The following ASIC2 variants were observed in gnomAD, a reference collection of about 807,000 sequenced individuals.
ASIC2 encodes acid-sensing ion channel 2.
A neutral mutation model predicts 57.3 loss-of-function variants in ASIC2; 25 were observed. That is an observed-to-expected ratio of 0.44 (90% CI 0.32 to 0.61). ASIC2 has a LOEUF of 0.61. Among genes scored for constraint, ASIC2 ranks in the 20% least tolerant of loss-of-function variants. The probability of loss-of-function intolerance (pLI) is 0.06; values close to 1 mark genes in which losing one functional copy is unlikely to be tolerated. For missense variants in ASIC2, 641 were observed against 738.1 expected (o/e 0.87, Z 1.52); for synonymous variants, 319 against 307.5 (o/e 1.04, Z -0.39).
chr17:34,055,982 T>C (rs1410574852), intron 1 of ASIC2, among the ~76,000 whole-genome samples: 1 of 152,154 alleles, frequency 6.6e-6, no homozygotes, highest in Non-Finnish European at 1.5e-5. Context: ...GCTATTACAG[T>C]AGTTGAGAAA....
In ASIC2 at chr17:33,293,041, C is replaced by T. The variant is rs1567813325; in HGVS notation, c.-926G>A. On this transcript the variant is annotated 5_prime_UTR_variant, in exon 1 of 10. Transcript: ENST00000225823. ...TGCTGTCTCTCGCGTCTTCTCTCTG[C>T]CCCCGCGGCGACAAGAGCTGGGGAC... is the stretch of plus-strand genomic sequence containing the variant. 1 of 985,496 alleles carries T rather than the reference C, an allele frequency of 1.0e-6. No homozygotes were observed. The highest frequency in any genetic ancestry group is 1.2e-6 in the Non-Finnish European group (1 of 829,944). The allele number at this position is 985,496 out of a possible 1,614,324, so 61.0% of individuals were successfully genotyped here. A position where few individuals can be genotyped will look rare whatever the true frequency, so the allele number is the denominator to read the frequency against.
At chr17:33,206,278 T>G (rs1907058576) in intron 1 of ASIC2, among the ~76,000 whole-genome samples, 1 of 152,020 alleles carries the variant, frequency 6.6e-6, no homozygotes, top group Non-Finnish European at 1.5e-5. Flanking sequence ...CTGGCCCAGG[T>G]GTGATTACTT....
At chr17:33,357,792 C>A (rs895501071) in intron 1 of ASIC2, among the ~76,000 whole-genome samples, 2 of 152,168 alleles carry the variant, frequency 1.3e-5, no homozygotes, top group African/African-American at 2.4e-5. Context: ...TAATAAACTT[C>A]CATTATGCTA....
chr17:33,945,979 C>A (rs1178854045), intron 1 of ASIC2, among the ~76,000 whole-genome samples: 9 of 152,190 alleles, frequency 5.9e-5, no homozygotes, highest in Admixed American at 5.9e-4. Context: ...TAGGAGGCAT[C>A]CTCCAGCATG....
intron 1 of ASIC2, among the ~76,000 whole-genome samples, chr17:33,308,118 CA>C (rs1332841470): frequency 1.3e-5 from 2 of 152,138 alleles, no homozygotes; most frequent in African/African-American, 2.4e-5. Flanking sequence ...CTTTTATAAA[CA>C]AATTGATAAC....
intron 1 of ASIC2, among the ~76,000 whole-genome samples, chr17:33,697,210 G>T (rs1332159043): frequency 6.6e-6 from 1 of 152,190 alleles, no homozygotes; most frequent in Non-Finnish European, 1.5e-5. Flanking sequence ...ACAGCCTGCA[G>T]AATGATAAAC....
chr17:33,470,977 TATC>T, intron 1 of ASIC2, among the ~76,000 whole-genome samples: 1 of 152,146 alleles, frequency 6.6e-6, no homozygotes, highest in East Asian at 1.9e-4. Flanking sequence ...TGGATCTTTT[TATC>T]TTCTGCCTCT....
chr17:34,099,573 GGAAA>G (rs1910742704), intron 1 of ASIC2, among the ~76,000 whole-genome samples: 1 of 130,018 alleles, frequency 7.7e-6, no homozygotes, highest in African/African-American at 3.0e-5. Flanking sequence ...GAGGGAGGGA[GGAAA>G]GAAGGAAGGA....
At chr17:33,635,746 C>T (rs1906338404) in intron 1 of ASIC2, among the ~76,000 whole-genome samples, 1 of 152,210 alleles carries the variant, frequency 6.6e-6, no homozygotes, top group Non-Finnish European at 1.5e-5. Flanking sequence ...AAGCTGAGAA[C>T]TGACAACAGA....
intron 3 of ASIC2, among the ~76,000 whole-genome samples, chr17:33,073,230 G>C (rs2092076370): frequency 6.6e-6 from 1 of 152,156 alleles, no homozygotes; most frequent in African/African-American, 2.4e-5. Flanking sequence ...AAAAACAACA[G>C]CCATTACATT....
intron 1 of ASIC2, among the ~76,000 whole-genome samples, chr17:33,494,757 A>T (rs1832338849): frequency 6.6e-6 from 1 of 152,112 alleles, no homozygotes; most frequent in African/African-American, 2.4e-5. Context: ...GAGCATTCTG[A>T]ACTCCGCTTT....
At position 33,476,062 on chromosome 17, in the gene ASIC2, A is replaced by C. The variant is rs1913209533; in HGVS notation, c.556-363995T>G. Among the ~76,000 whole-genome samples, 9 of 152,340 alleles carry C rather than the reference A, an allele frequency of 5.9e-5. No homozygotes were observed. The South Asian group carries it at 1.7e-3, about 28-fold the overall frequency. ...AAGCATGAAACTGTCACCAGACATC[A>C]CTGAATTCTGGAGCAGCTTTGACTT... is the stretch of plus-strand genomic sequence containing the variant. On this transcript the variant is annotated intron_variant, in intron 1 of 9. Transcript: ENST00000359872.
At chr17:33,560,171 G>A (rs935365129) in intron 1 of ASIC2, among the ~76,000 whole-genome samples, 2 of 152,190 alleles carry the variant, frequency 1.3e-5, no homozygotes, top group Non-Finnish European at 2.9e-5. Context: ...ACAGACAGAT[G>A]GACATGTGCG....
intron 1 of ASIC2, among the ~76,000 whole-genome samples, chr17:33,953,178 T>C (rs996041259): frequency 6.6e-6 from 1 of 152,164 alleles, no homozygotes; most frequent in African/African-American, 2.4e-5. Flanking sequence ...ACCACTGAGA[T>C]GTGAGATTTT....
chr17:33,428,021 A>G (rs1317579023), intron 1 of ASIC2, among the ~76,000 whole-genome samples: 1 of 152,176 alleles, frequency 6.6e-6, no homozygotes, highest in African/African-American at 2.4e-5. Flanking sequence ...GAGGTCTCCT[A>G]ACAACAGCCA....
intron 1 of ASIC2, among the ~76,000 whole-genome samples, chr17:33,160,727 G>A (rs557494433): frequency 8.5e-5 from 13 of 152,162 alleles, no homozygotes; most frequent in Non-Finnish European, 1.2e-4. Flanking sequence ...AGATGGCTGG[G>A]ATGGGGTTTG....
At chr17:33,481,962 C>T (rs1367734663) in intron 1 of ASIC2, among the ~76,000 whole-genome samples, 1 of 152,238 alleles carries the variant, frequency 6.6e-6, no homozygotes, top group African/African-American at 2.4e-5. Context: ...CACCTGTCCT[C>T]TTAGCAATGA....
chr17:33,797,777 G>A (rs533733868), intron 1 of ASIC2, among the ~76,000 whole-genome samples: 22 of 152,214 alleles, frequency 1.4e-4, no homozygotes, highest in African/African-American at 5.3e-4. Flanking sequence ...GGCATGTTCC[G>A]CGTTTGTACT....
At position 33,068,638 on chromosome 17, in the gene ASIC2, G is replaced by T. The variant is rs114194232; in HGVS notation, c.987+20225C>A. On this transcript the variant is annotated intron_variant, in intron 3 of 9. Transcript: ENST00000225823. Reference sequence around the variant, plus strand: ...AAGCCCTAAATTGGTAAATATATTGGCATACAATTATTTACAGTTTTCTTA... The same window carrying T: ...AAGCCCTAAATTGGTAAATATATTGTCATACAATTATTTACAGTTTTCTTA... 6.8e-3 allele frequency among the ~76,000 whole-genome samples: 1,030 copies of T among 152,282 alleles called. 14 individuals are homozygous for T. Among genetic ancestry groups the T allele is most frequent in the African/African-American group, 0.024 (987 of 41,548 alleles).
Sources: gnomAD v4.1 joint callset for allele counts (sites outside exome capture counted in the v4.1 genomes callset) on GRCh38, gnomAD v4.1.1 for gene constraint, MANE v1.5 for transcripts, NCBI Gene and HGNC (gene_info 2026-07-23, HGNC 2026-07-21) for gene names.